The following SIRPG variants were observed in gnomAD, a reference collection of about 807,000 sequenced individuals.
SIRPG encodes the protein signal-regulatory protein gamma.
A neutral mutation model predicts 35.7 loss-of-function variants in SIRPG; 38 were observed. The observed-to-expected ratio is 1.06, with a 90% CI of 0.82 to 1.40. SIRPG has a LOEUF of 1.40. Among genes scored for constraint, SIRPG ranks in the 40% most tolerant of loss-of-function variants. The pLI is 0.00. For synonymous variants in SIRPG, 215 were observed against 190.4 expected (o/e 1.13, Z -1.06); for missense variants, 519 against 483.0 (o/e 1.07, Z -0.70).
chr20:1,669,373 G>T, the SIRPG span, among the ~76,000 whole-genome samples: 8 of 152,204 alleles, frequency 5.3e-5, no homozygotes, highest in African/African-American at 1.7e-4. Flanking sequence ...AAATTTGCAC[G>T]TAGTAAATGT....
At chr20:1,683,661 T>A in the SIRPG span, among the ~76,000 whole-genome samples, 1 of 152,118 alleles carries the variant, frequency 6.6e-6, no homozygotes, top group Non-Finnish European at 1.5e-5. Flanking sequence ...GTCTCACTCA[T>A]ACACTGAATC....
chr20:1,636,043 C>G, intron 3 of SIRPG, 145 bp downstream of exon 3: 1 of 1,174,744 alleles, frequency 8.5e-7, no homozygotes, highest in Non-Finnish European at 1.2e-6. Flanking sequence ...TAGTAAGTGA[C>G]CAGCACACCT....
the SIRPG span, among the ~76,000 whole-genome samples, chr20:1,674,333 A>T: frequency 6.7e-3 from 1,019 of 152,254 alleles, 7 homozygotes; most frequent in Non-Finnish European, 0.01. Context: ...GACCCATCTG[A>T]GGTCTCATAG....
At chr20:1,676,533 A>C in the SIRPG span, 1 of 152,324 alleles carries the variant, frequency 6.6e-6, no homozygotes, top group Non-Finnish European at 1.5e-5. Flanking sequence ...GAGTTTTTCC[A>C]ATCACCAATG....
chr20:1,667,454 G>C, the SIRPG span, among the ~76,000 whole-genome samples: 4 of 152,198 alleles, frequency 2.6e-5, no homozygotes, highest in Non-Finnish European at 5.9e-5. Flanking sequence ...TTAAACAAGA[G>C]ACACACAGCA....
At chr20:1,653,180 G>A (rs975088978) in intron 1 of SIRPG, among the ~76,000 whole-genome samples, 3 of 152,204 alleles carry the variant, frequency 2.0e-5, no homozygotes, top group East Asian at 1.9e-4. Context: ...AATCAAGACC[G>A]GAAGTGTTTG....
chr20:1,641,394 C>T (rs1017987644), intron 2 of SIRPG, among the ~76,000 whole-genome samples: 4 of 152,102 alleles, frequency 2.6e-5, no homozygotes, highest in African/African-American at 4.8e-5. Flanking sequence ...AGTTTATTTG[C>T]GTAGAAGTGT....
chr20:1,659,944 T>C (rs2091991860), upstream of SIRPG, among the ~76,000 whole-genome samples: 1 of 152,196 alleles, frequency 6.6e-6, no homozygotes, highest in Non-Finnish European at 1.5e-5. Context: ...GGAACAGCAC[T>C]GCAGCTAACA....
rs147969759 is a variant in SIRPG at position 1,635,283 on chromosome 20, G to C, written c.1065C>G (p.Ser355Arg). ...LEVTVHQKDQSSDATPGPASS... is the reference protein window; with the variant it reads ...LEVTVHQKDQRSDATPGPASS... ...TAACCTCACCAGGGGTAGCATCTGA[G>C]CTCTGGTCCTTCTGGTGGACTGTGA... Residue 355 changes from serine to arginine, a missense_variant, in exon 4 of 6, where the codon AGC becomes AGG. Ser to Arg is a moderately radical substitution (Grantham distance 110, BLOSUM62 -1). Coordinates refer to ENST00000303415, the MANE Select transcript of SIRPG (RefSeq NM_018556.4). 1 of 1,611,650 alleles carries C rather than the reference G, an allele frequency of 6.2e-7. No homozygotes were observed. The highest frequency in any genetic ancestry group is 1.3e-5 in the African/African-American group (1 of 74,990).
At chr20:1,682,962 C>T in the SIRPG span, among the ~76,000 whole-genome samples, 1 of 152,284 alleles carries the variant, frequency 6.6e-6, no homozygotes, top group African/African-American at 2.4e-5. Flanking sequence ...GAAGAGACAA[C>T]ATACAGAATG....
At chr20:1,649,025 G>T (rs373506620) in intron 2 of SIRPG, 27 bp downstream of exon 2, 1 of 1,566,106 alleles carries the variant, frequency 6.4e-7, no homozygotes, top group Non-Finnish European at 8.8e-7. Context: ...CACATCAGGG[G>T]ATGAGGGAGG....
At chr20:1,656,018 C>T (rs1400624364) in intron 1 of SIRPG, among the ~76,000 whole-genome samples, 5 of 152,094 alleles carry the variant, frequency 3.3e-5, no homozygotes, top group Non-Finnish European at 5.9e-5. Context: ...GCATTAATTA[C>T]AATTATGACA....
chr20:1,644,214 C>G (rs978244308), intron 2 of SIRPG, among the ~76,000 whole-genome samples: 9 of 152,328 alleles, frequency 5.9e-5, no homozygotes, highest in Middle Eastern at 6.8e-3. Context: ...CACCCCTCCC[C>G]CTAGGGGCTC....
chr20:1,661,075 A>G (rs184011904), upstream of SIRPG, among the ~76,000 whole-genome samples: 17 of 152,346 alleles, frequency 1.1e-4, no homozygotes, highest in Admixed American at 1.1e-3. Context: ...CAAAAGTTAT[A>G]TATTCAGTAT....
chr20:1,647,867 G>A (rs552377599), intron 2 of SIRPG: 1 of 152,296 alleles, frequency 6.6e-6, no homozygotes, highest in Non-Finnish European at 1.5e-5. Context: ...AAGAAATCCT[G>A]GCTCCCTGAT....
Position 1,649,389 on chromosome 20 carries a change from C to T in SIRPG, c.93G>A (p.Glu31=), listed in dbSNP as rs150700648. 2.4e-4 allele frequency: 382 copies of T among 1,607,326 alleles called. 2 individuals are homozygous for T. In the African/African-American group the frequency reaches 4.5e-3, roughly 19 times the overall value. Residue 31 remains glutamate (E), a synonymous_variant, in exon 2 of 6, where the codon GAG becomes GAA. Transcript: ENST00000303415. ...LGLTEVAGEE[E]LQMIQPEKLL... is the part of the protein sequence containing the mutation. ...GCTTCTCAGGCTGAATCATCTGTAGCTCCTCCTCACCTGCCACTTCTGAAA... is the reference window on the plus strand; with the variant it reads ...GCTTCTCAGGCTGAATCATCTGTAGTTCCTCCTCACCTGCCACTTCTGAAA...
chr20:1,631,881 G>A (rs1029960671), intron 4 of SIRPG, among the ~76,000 whole-genome samples: 2 of 152,120 alleles, frequency 1.3e-5, no homozygotes, highest in African/African-American at 4.8e-5. Context: ...ATTTTTTTTG[G>A]GGAAATATGC....
chr20:1,686,425 G>A, the SIRPG span, among the ~76,000 whole-genome samples: 1 of 152,192 alleles, frequency 6.6e-6, no homozygotes, highest in East Asian at 1.9e-4. Context: ...TCAGGAGCCT[G>A]CTCCGTCCAA....
chr20:1,649,134 T>C lies in SIRPG; in HGVS notation c.348A>G (p.Thr116=). The C allele has an allele frequency of 6.2e-7, 1 of 1,614,006 alleles. No individual in the cohort carries two copies. The highest frequency in any genetic ancestry group is 8.5e-7 in the Non-Finnish European group (1 of 1,179,922). The part of the protein sequence containing the change: ...ISSITPADVG[T]YYCVKFRKGS... ...CTTTTCGAAACTTCACACAGTAGTA[T>C]GTGCCGACATCTGCTGGGGTGATGC... is the stretch of plus-strand genomic sequence containing the variant. The change falls in exon 2 of 6, where the codon ACA becomes ACG. Residue 116 remains threonine (T), a synonymous_variant. Transcript: ENST00000303415.
Sources: gnomAD v4.1 joint callset for allele counts (sites outside exome capture counted in the v4.1 genomes callset) on GRCh38, gnomAD v4.1.1 for gene constraint, MANE v1.5 for transcripts, NCBI Gene and HGNC (gene_info 2026-07-23, HGNC 2026-07-21) for gene names.